The following ALLC variants were observed in gnomAD, a reference collection of about 807,000 sequenced individuals.
ALLC encodes the protein allantoicase, also known as probable inactive allantoicase.
In ALLC, 40 loss-of-function variants were observed where a neutral mutation model predicts 45.0. The observed-to-expected ratio is 0.89, with a 90% confidence interval of 0.69 to 1.16. The LOEUF (loss-of-function observed/expected upper bound fraction) is 1.16, where lower values mean the gene tolerates loss of function less well. Among genes scored for constraint, ALLC ranks in the 50% most tolerant of loss-of-function variants. The pLI, the probability that ALLC is intolerant of heterozygous loss-of-function variation, is 0.00. For synonymous variants in ALLC, 176 were observed against 178.1 expected (o/e 0.99, Z 0.09); for missense variants, 488 against 493.1 (o/e 0.99, Z 0.10).
Position 3,658,593 on chromosome 2 carries a change from C to T in ALLC, c.-63+299C>T, listed in dbSNP as rs535268666. Among the ~76,000 whole-genome samples the T allele has an allele frequency of 4.4e-4, 67 of 152,196 alleles. 1 individual carries two copies. The highest frequency in any genetic ancestry group is 1.5e-3 in the Admixed American group (23 of 15,280). On this transcript the variant is annotated intron_variant, in intron 1 of 11. Coordinates refer to ENST00000252505, the MANE Select transcript of ALLC (RefSeq NM_018436.4). ...TAAAAAAAAATCTAAAGAGGCTGGG[C>T]ATGGTGGCTCATGCCTGTAATCCCT...
rs757923260 is a variant in ALLC, at chr2:3,697,609, C to CTCTGTCTGTCTG, written c.850+157_850+168dup. Reference sequence around the variant, plus strand: ...GAGCATGCTACTTTAACCCTTAGAACTCTGTCTGTCTGTCTATCTATCTAT... The same window carrying CTCTGTCTGTCTG: ...GAGCATGCTACTTTAACCCTTAGAACTCTGTCTGTCTGTCTGTCTGTCTGTCTATCTATCTAT... On this transcript the variant is annotated intron_variant, in intron 10 of 11. Coordinates refer to ENST00000252505, the MANE Select transcript of ALLC (RefSeq NM_018436.4). Among the ~76,000 whole-genome samples, 1,396 of 146,962 alleles carry CTCTGTCTGTCTG rather than the reference C, an allele frequency of 9.5e-3. 25 individuals carry two copies. The highest frequency in any genetic ancestry group is 0.034 in the African/African-American group (1,297 of 38,626).
At chr2:3,686,306 G>C (rs182393578) in intron 7 of ALLC, among the ~76,000 whole-genome samples, 1 of 150,464 alleles carries the variant, frequency 6.6e-6, no homozygotes, top group African/African-American at 2.4e-5. Context: ...TTTATATCTG[G>C]GTTCTCTATT....
chr2:3,685,135 T>C (rs534400411), intron 7 of ALLC, among the ~76,000 whole-genome samples: 3 of 152,126 alleles, frequency 2.0e-5, no homozygotes, highest in Admixed American at 2.0e-4. Context: ...TTTTGAGGAG[T>C]TTTCATAGTT....
At chr2:3,648,701 C>G in the ALLC span, among the ~76,000 whole-genome samples, 67 of 152,320 alleles carry the variant, frequency 4.4e-4, no homozygotes, top group South Asian at 1.7e-3. Context: ...CACTGCCCCC[C>G]ATTCTCTGCT....
chr2:3,662,257 G>T (rs115403142), intron 1 of ALLC, among the ~76,000 whole-genome samples: 431 of 152,268 alleles, frequency 2.8e-3, no homozygotes, highest in African/African-American at 9.8e-3. Context: ...CTGTGGCTTC[G>T]TTATGTCTGC....
At chr2:3,672,563 A>T (rs1666912957) in intron 2 of ALLC, among the ~76,000 whole-genome samples, 1 of 96,968 alleles carries the variant, frequency 1.0e-5, no homozygotes, top group South Asian at 2.7e-4. Flanking sequence ...TTCTGGTTAG[A>T]TGGGAGGTCC....
At chr2:3,694,668 G>GAGTC (rs1308836632) in intron 7 of ALLC, 2 of 152,110 alleles carry the variant, frequency 1.3e-5, no homozygotes, top group African/African-American at 4.8e-5. Context: ...CTCCCTCTAG[G>GAGTC]ATATTTTCTA....
At chr2:3,673,687 T>A (rs577539844) in intron 2 of ALLC, among the ~76,000 whole-genome samples, 1 of 152,348 alleles carries the variant, frequency 6.6e-6, no homozygotes, top group Non-Finnish European at 1.5e-5. Flanking sequence ...ATGGCGGCCC[T>A]TGTGGGTGAA....
the ALLC span, among the ~76,000 whole-genome samples, chr2:3,647,391 C>T: frequency 6.6e-6 from 1 of 152,068 alleles, no homozygotes; most frequent in Non-Finnish European, 1.5e-5. Flanking sequence ...CCTTCTTCAT[C>T]AGCAACCTGT....
Position 3,671,105 on chromosome 2 carries a change from C to G in ALLC, c.-53C>G. 2 of 1,593,224 alleles carry G rather than the reference C, an allele frequency of 1.3e-6. No homozygotes were observed. The highest frequency in any genetic ancestry group is 1.7e-6 in the Non-Finnish European group (2 of 1,169,142). The stretch of plus-strand genomic sequence containing the variant: ...GCCCTCTCCCTTCCAGGAAGCACGG[C>G]TGATGCTCCGAAGGAGGGAAGACTG... On this transcript the variant is annotated 5_prime_UTR_variant, in exon 2 of 12. Transcript: ENST00000252505.
chr2:3,700,490 A>G (rs185224703), intron 10 of ALLC, among the ~76,000 whole-genome samples: 26 of 152,312 alleles, frequency 1.7e-4, no homozygotes, highest in Admixed American at 1.6e-3. Context: ...ACTAGATAAC[A>G]AACAGTAAAT....
At chr2:3,665,915 G>A (rs1666692943) in intron 1 of ALLC, among the ~76,000 whole-genome samples, 2 of 152,236 alleles carry the variant, frequency 1.3e-5, no homozygotes, top group South Asian at 4.1e-4. Flanking sequence ...AGTGAAGTGT[G>A]GAGGCTGCTG....
intron 4 of ALLC, among the ~76,000 whole-genome samples, 192 bp downstream of exon 4, chr2:3,678,747 G>A (rs955416603): frequency 5.9e-5 from 9 of 152,206 alleles, no homozygotes; most frequent in Admixed American, 3.9e-4. Flanking sequence ...GGTCACTGAC[G>A]TCCCACCAGG....
chr2:3,676,504 C>T (rs998189898), intron 3 of ALLC, among the ~76,000 whole-genome samples: 10 of 152,358 alleles, frequency 6.6e-5, no homozygotes, highest in Admixed American at 5.9e-4. Context: ...GCCTCGGCCT[C>T]CCAAATGGCT....
chr2:3,660,491 T>C (rs1572502214), intron 1 of ALLC, among the ~76,000 whole-genome samples: 1 of 152,316 alleles, frequency 6.6e-6, no homozygotes, highest in Middle Eastern at 3.4e-3. Context: ...TTTACTGTTA[T>C]TATAAATAAA....
chr2:3,667,921 T>C (rs1470134398), intron 1 of ALLC, among the ~76,000 whole-genome samples: 1 of 152,116 alleles, frequency 6.6e-6, no homozygotes, highest in Admixed American at 6.6e-5. Flanking sequence ...TGCGCCACCA[T>C]GCCTGGCTAA....
intron 1 of ALLC, among the ~76,000 whole-genome samples, chr2:3,665,696 C>T (rs1474525659): frequency 1.3e-5 from 2 of 152,176 alleles, no homozygotes; most frequent in Admixed American, 6.5e-5. Context: ...ACCACATTTT[C>T]TTTATCCAGT....
At chr2:3,660,906 C>CGG (rs1558532936) in intron 1 of ALLC, among the ~76,000 whole-genome samples, 9 of 151,772 alleles carry the variant, frequency 5.9e-5, no homozygotes, top group African/African-American at 1.9e-4. Context: ...AGCAGGTGAT[C>CGG]AAAAAAGGTT....
chr2:3,651,309 TGGGTGGGGGGG>T, the ALLC span, among the ~76,000 whole-genome samples: 28 of 11,614 alleles, frequency 2.4e-3, 6 homozygotes, highest in African/African-American at 7.1e-3. Context: ...GGTGGGTGGG[TGGGTGGGGGGG>T]GTGTGTGTGT....
Sources: gnomAD v4.1 joint callset for allele counts (sites outside exome capture counted in the v4.1 genomes callset) on GRCh38, gnomAD v4.1.1 for gene constraint, MANE v1.5 for transcripts, NCBI Gene and HGNC (gene_info 2026-07-23, HGNC 2026-07-21) for gene names.